Variants in CCL28 observed in about 807,000 individuals in gnomAD.
CCL28 encodes C-C motif chemokine 28.
CCL28 carries 4 observed loss-of-function variants against 7.1 expected under a neutral mutation model. The ratio of observed to expected loss-of-function variants is 0.56; its 90% CI spans 0.28 to 1.29. CCL28 has a LOEUF of 1.29. Ranked by LOEUF, CCL28 falls within the 50% of genes most tolerant of loss-of-function variation. The probability of loss-of-function intolerance (pLI) is 0.11; values close to 1 mark genes in which losing one functional copy is unlikely to be tolerated. For missense variants in CCL28, 151 were observed against 163.4 expected, an observed-to-expected ratio of 0.92 and a Z score of 0.41; for synonymous variants, 55 against 57.8, an observed-to-expected ratio of 0.95 and a Z score of 0.22.
At chr5:43,407,566 A>T (rs1374479397) in intron 1 of CCL28, among the ~76,000 whole-genome samples, 2 of 152,326 alleles carry the variant, frequency 1.3e-5, no homozygotes, top group Admixed American at 6.5e-5. Context: ...GCAATACCAT[A>T]CATGCCATAG....
At chr5:43,396,457 G>T (rs562202863) in intron 1 of CCL28, among the ~76,000 whole-genome samples, 1 of 152,152 alleles carries the variant, frequency 6.6e-6, no homozygotes, top group Non-Finnish European at 1.5e-5. Context: ...TTTAAGATGG[G>T]AGTTGCTCTG....
the CCL28 span, among the ~76,000 whole-genome samples, chr5:43,361,682 G>A: frequency 6.6e-6 from 1 of 152,000 alleles, no homozygotes; most frequent in Non-Finnish European, 1.5e-5. Context: ...GTAAAGAAGG[G>A]GTCTAGTTTC....
At chr5:43,369,393 A>AT in the CCL28 span, among the ~76,000 whole-genome samples, 1 of 152,072 alleles carries the variant, frequency 6.6e-6, no homozygotes, top group African/African-American at 2.4e-5. Flanking sequence ...GTTTCCTGAT[A>AT]TGTATGTTAT....
At chr5:43,366,861 A>C in the CCL28 span, among the ~76,000 whole-genome samples, 20 of 152,346 alleles carry the variant, frequency 1.3e-4, no homozygotes, top group Non-Finnish European at 2.1e-4. Context: ...GGAGGAGTCT[A>C]GAGAGGCAGT....
intron 1 of CCL28, among the ~76,000 whole-genome samples, chr5:43,391,260 G>A (rs1740560464): frequency 6.6e-6 from 1 of 152,202 alleles, no homozygotes; most frequent in Non-Finnish European, 1.5e-5. Flanking sequence ...AGAGGAGACA[G>A]TGGGTGTAAA....
intron 1 of CCL28, among the ~76,000 whole-genome samples, chr5:43,392,040 T>C: frequency 6.6e-6 from 1 of 152,216 alleles, no homozygotes; most frequent in East Asian, 1.9e-4. Flanking sequence ...CAAAATCAAA[T>C]ACCTCTCTTA....
Position 43,381,887 on chromosome 5 carries a change from T to C in CCL28, c.357A>G (p.Glu119=). ...AATAAGGAGTTTTATGGCCGTATGT[T>C]TCGTGTTTCCCCTGATGTGCCCTGT... ...NSNRAHQGKH[E]TYGHKTPY Residue 119 remains glutamate, a synonymous_variant, in exon 3 of 3, where the codon GAA becomes GAG. Coordinates refer to ENST00000361115, the MANE Select transcript of CCL28 (RefSeq NM_148672.3). 6.2e-7 allele frequency: 1 copy of C among 1,614,080 alleles called. No homozygotes were observed. The highest frequency in any genetic ancestry group is 8.5e-7 in the Non-Finnish European group (1 of 1,179,952).
At chr5:43,357,858 C>G in the CCL28 span, among the ~76,000 whole-genome samples, 2 of 152,146 alleles carry the variant, frequency 1.3e-5, no homozygotes, top group Non-Finnish European at 2.9e-5. Context: ...CTTGTAATTC[C>G]ACCAAACTAA....
intron 1 of CCL28, among the ~76,000 whole-genome samples, chr5:43,391,538 T>C (rs1027388098): frequency 4.6e-5 from 7 of 152,242 alleles, no homozygotes; most frequent in Non-Finnish European, 8.8e-5. Flanking sequence ...TTGTGAAACA[T>C]TTCAACACAG....
chr5:43,394,302 G>T (rs1476535144), intron 1 of CCL28, among the ~76,000 whole-genome samples: 1 of 152,124 alleles, frequency 6.6e-6, no homozygotes, highest in Non-Finnish European at 1.5e-5. Flanking sequence ...TGTCTTGGCT[G>T]TTCTTGATCC....
intron 1 of CCL28, among the ~76,000 whole-genome samples, chr5:43,408,243 T>A (rs1165660533): frequency 6.6e-6 from 1 of 152,216 alleles, no homozygotes; most frequent in East Asian, 1.9e-4. Context: ...CCAACCCACA[T>A]GTCCATCAAT....
At chr5:43,411,302 T>A (rs13167785) in intron 1 of CCL28, among the ~76,000 whole-genome samples, 2,951 of 152,078 alleles carry the variant, frequency 0.019, 53 homozygotes, top group East Asian at 0.11. Flanking sequence ...TGGAAAAGAG[T>A]CATTGGTCAA....
downstream of CCL28, among the ~76,000 whole-genome samples, chr5:43,376,042 T>G (rs1739882703): frequency 6.6e-6 from 1 of 152,130 alleles, no homozygotes; most frequent in Admixed American, 6.5e-5. Context: ...TCTCAAAAAA[T>G]TGAAAGGGCT....
the CCL28 span, among the ~76,000 whole-genome samples, chr5:43,368,458 A>G: frequency 6.6e-6 from 1 of 152,198 alleles, no homozygotes; most frequent in African/African-American, 2.4e-5. Context: ...ACTGCTGGCC[A>G]ATGGAATATG....
chr5:43,405,328 C>A (rs974672743), intron 1 of CCL28, among the ~76,000 whole-genome samples: 1 of 152,186 alleles, frequency 6.6e-6, no homozygotes, highest in African/African-American at 2.4e-5. Flanking sequence ...AACTAGAACT[C>A]AGGATTAAGA....
chr5:43,409,237 C>A (rs905284849), intron 1 of CCL28, among the ~76,000 whole-genome samples: 1 of 152,082 alleles, frequency 6.6e-6, no homozygotes, highest in Non-Finnish European at 1.5e-5. Context: ...ACCAGCCTGG[C>A]CAACATGGTG....
intron 1 of CCL28, chr5:43,397,140 G>A (rs1395870165): frequency 6.6e-6 from 1 of 152,274 alleles, no homozygotes; most frequent in East Asian, 1.9e-4. Context: ...CGAAGGGTAG[G>A]TAGGGTGGAG....
chr5:43,375,313 A>G (rs926792772), downstream of CCL28, among the ~76,000 whole-genome samples: 2 of 142,326 alleles, frequency 1.4e-5, no homozygotes, highest in Non-Finnish European at 3.0e-5. Flanking sequence ...TAAAAGGAGT[A>G]AAAATGCCAC....
At chr5:43,394,241 A>C (rs1393717220) in intron 1 of CCL28, among the ~76,000 whole-genome samples, 1 of 152,162 alleles carries the variant, frequency 6.6e-6, no homozygotes, top group Non-Finnish European at 1.5e-5. Context: ...TTTTTAATAA[A>C]TCTCAAAACT....
Sources: allele counts gnomAD v4.1 joint callset (sites outside exome capture counted in the v4.1 genomes callset), GRCh38; gene constraint gnomAD v4.1.1; transcripts MANE v1.5; gene names NCBI Gene and HGNC (gene_info 2026-07-23, HGNC 2026-07-21).